Variants in PLEKHA8 observed in about 807,000 individuals in gnomAD.
PLEKHA8 encodes pleckstrin homology domain containing A8.
In PLEKHA8, 36 loss-of-function variants were observed where a neutral mutation model predicts 68.2. The observed-to-expected ratio is 0.53, with a 90% CI of 0.40 to 0.70. The LOEUF (loss-of-function observed/expected upper bound fraction) is 0.70, where lower values mean the gene tolerates loss of function less well. PLEKHA8 is among the 30% of genes least tolerant of loss of function. The probability of loss-of-function intolerance (pLI) is 0.00; values close to 1 mark genes in which losing one functional copy is unlikely to be tolerated. For synonymous variants in PLEKHA8, 211 were observed against 216.1 expected (o/e 0.98, Z 0.20); for missense variants, 505 against 615.4 (o/e 0.82, Z 1.90).
chr7:30,103,272 T>A (rs560904145), intron 13 of PLEKHA8, among the ~76,000 whole-genome samples: 1 of 151,528 alleles, frequency 6.6e-6, no homozygotes, highest in East Asian at 1.9e-4. Flanking sequence ...TTTAAAAAAA[T>A]TAATAATGTA....
At position 30,061,882 on chromosome 7, in the gene PLEKHA8, C is replaced by T; in HGVS notation, c.1099-15C>T. On this transcript the variant is annotated splice_polypyrimidine_tract_variant and intron_variant, in intron 10 of 13. Coordinates refer to ENST00000449726, the MANE Select transcript of PLEKHA8 (RefSeq NM_001197026.2). ...AGCATTTTAAACTTAGGTTGTTTCC[C>T]TGCTTTCCCTCCAGAAAGTAAATCA... 1 of 1,613,228 alleles carries T rather than the reference C, an allele frequency of 6.2e-7. No homozygotes were observed. The highest frequency in any genetic ancestry group is 8.5e-7 in the Non-Finnish European group (1 of 1,179,896).
intron 13 of PLEKHA8, among the ~76,000 whole-genome samples, chr7:30,103,589 C>T (rs972986337): frequency 2.6e-5 from 4 of 152,144 alleles, no homozygotes; most frequent in East Asian, 3.8e-4. Flanking sequence ...GTCCATGGGA[C>T]GAGAAAGTTC....
intron 13 of PLEKHA8, chr7:30,115,976 G>GTA (rs1796501365): frequency 9.3e-6 from 1 of 107,004 alleles, no homozygotes; most frequent in African/African-American, 3.5e-5. Context: ...ACATGTGCAT[G>GTA]CATGCATGTA....
chr7:30,094,002 A>G (rs1408565657), downstream of PLEKHA8, among the ~76,000 whole-genome samples: 1 of 152,250 alleles, frequency 6.6e-6, no homozygotes, highest in Non-Finnish European at 1.5e-5. Context: ...CATTGCTAGC[A>G]TATAGCACTG....
chr7:30,072,339 A>T (rs1794291071), intron 12 of PLEKHA8, among the ~76,000 whole-genome samples: 3 of 152,230 alleles, frequency 2.0e-5, no homozygotes, highest in African/African-American at 7.2e-5. Context: ...ATATGTATTG[A>T]GTATGTATTT....
chr7:30,106,204 G>T (rs1264432522), intron 13 of PLEKHA8, among the ~76,000 whole-genome samples: 1 of 151,936 alleles, frequency 6.6e-6, no homozygotes, highest in Non-Finnish European at 1.5e-5. Flanking sequence ...GATTACAGGC[G>T]CATGCCACCA....
chr7:30,124,564 C>T (rs1314240239), intron 13 of PLEKHA8, among the ~76,000 whole-genome samples: 4 of 152,126 alleles, frequency 2.6e-5, no homozygotes, highest in Middle Eastern at 3.4e-3. Context: ...AAGCCTTTTT[C>T]GTTGTTTTAC....
intron 13 of PLEKHA8, among the ~76,000 whole-genome samples, chr7:30,124,979 G>A (rs1044930657): frequency 4.0e-5 from 6 of 150,440 alleles, no homozygotes; most frequent in Non-Finnish European, 7.4e-5. Context: ...CCATTCTTTC[G>A]TCATAATTTT....
chr7:30,063,961 T>C (rs1446256481), intron 12 of PLEKHA8, among the ~76,000 whole-genome samples: 1 of 152,192 alleles, frequency 6.6e-6, no homozygotes, highest in African/African-American at 2.4e-5. Context: ...GTCTCAGTTA[T>C]ATTCTCCCCT....
At chr7:30,029,993 G>T (rs953915598) in intron 1 of PLEKHA8, among the ~76,000 whole-genome samples, 1 of 152,120 alleles carries the variant, frequency 6.6e-6, no homozygotes, top group Non-Finnish European at 1.5e-5. Context: ...ATGAGAAGAG[G>T]TTTTTCTTGT....
At chr7:30,048,300 T>G (rs1401951564) in intron 4 of PLEKHA8, among the ~76,000 whole-genome samples, 1 of 152,202 alleles carries the variant, frequency 6.6e-6, no homozygotes, top group Non-Finnish European at 1.5e-5. Context: ...CTAAAATATG[T>G]TTCTCTCCAG....
intron 13 of PLEKHA8, among the ~76,000 whole-genome samples, chr7:30,123,514 C>G (rs557390472): frequency 2.0e-5 from 3 of 152,322 alleles, no homozygotes; most frequent in African/African-American, 7.2e-5. Context: ...TAGAGTATCA[C>G]AGACCTCTAG....
At chr7:30,114,286 CACTT>C (rs746969038) in intron 13 of PLEKHA8, among the ~76,000 whole-genome samples, 29 of 152,316 alleles carry the variant, frequency 1.9e-4, no homozygotes, top group Non-Finnish European at 3.7e-4. Context: ...TATATTAACA[CACTT>C]AATCCTTACA....
At chr7:30,069,370 A>C (rs1235885145) in intron 12 of PLEKHA8, among the ~76,000 whole-genome samples, 1 of 152,234 alleles carries the variant, frequency 6.6e-6, no homozygotes, top group Non-Finnish European at 1.5e-5. Flanking sequence ...GCTTTCTCTT[A>C]AGACTTAGAT....
intron 7 of PLEKHA8, among the ~76,000 whole-genome samples, chr7:30,054,010 C>T (rs991465887): frequency 1.3e-5 from 2 of 152,158 alleles, no homozygotes; most frequent in African/African-American, 4.8e-5. Context: ...TGAGGCTTAT[C>T]TAACACACAT....
chr7:30,073,802 A>G (rs1014008605), intron 12 of PLEKHA8, among the ~76,000 whole-genome samples: 7 of 152,070 alleles, frequency 4.6e-5, no homozygotes, highest in African/African-American at 1.7e-4. Flanking sequence ...AGCCTGGGCA[A>G]CATAGCGAGA....
intron 1 of PLEKHA8, among the ~76,000 whole-genome samples, chr7:30,034,017 T>C: frequency 9.1e-6 from 1 of 110,202 alleles, no homozygotes; most frequent in South Asian, 3.6e-4. Context: ...TTTCTTTTTT[T>C]TTTTTTTTTT....
chr7:30,042,592 G>A (rs1227303610), intron 1 of PLEKHA8, among the ~76,000 whole-genome samples: 4 of 152,158 alleles, frequency 2.6e-5, no homozygotes, highest in Non-Finnish European at 5.9e-5. Context: ...AGGTTTGGGA[G>A]CTTTTGTGCC....
intron 13 of PLEKHA8, among the ~76,000 whole-genome samples, chr7:30,114,453 G>T (rs567458962): frequency 6.6e-6 from 1 of 152,180 alleles, no homozygotes; most frequent in Non-Finnish European, 1.5e-5. Context: ...CAGTTTCTGC[G>T]CTCTTAGCTA....
Sources: allele counts gnomAD v4.1 joint callset (sites outside exome capture counted in the v4.1 genomes callset), GRCh38; gene constraint gnomAD v4.1.1; transcripts MANE v1.5; gene names NCBI Gene and HGNC (gene_info 2026-07-23, HGNC 2026-07-21).